Variants in GRID2 observed in about 807,000 individuals in gnomAD.
GRID2 encodes glutamate receptor ionotropic, delta-2.
In GRID2, 33 loss-of-function variants were observed where a neutral mutation model predicts 114.8. That is an observed-to-expected ratio of 0.29 (90% CI 0.22 to 0.38). GRID2 has a LOEUF of 0.38. Among genes scored for constraint, GRID2 ranks in the 10% least tolerant of loss-of-function variants. GRID2 has a pLI of 1.00. For missense variants in GRID2, 1,184 were observed against 1,257.7 expected, an observed-to-expected ratio of 0.94 and a Z score of 0.89; for synonymous variants, 505 against 449.9, an observed-to-expected ratio of 1.12 and a Z score of -1.55.
chr4:92,707,681 T>C (rs574996675), intron 2 of GRID2, among the ~76,000 whole-genome samples: 3 of 152,318 alleles, frequency 2.0e-5, no homozygotes, highest in Admixed American at 1.3e-4. Flanking sequence ...TGGCGTATGT[T>C]GTAGAGTGCC....
At chr4:93,724,731 T>C (rs1206692308) in intron 14 of GRID2, among the ~76,000 whole-genome samples, 2 of 152,024 alleles carry the variant, frequency 1.3e-5, no homozygotes, top group Non-Finnish European at 2.9e-5. Context: ...CTACTAGTTG[T>C]CCAGTAGGGG....
At chr4:93,294,861 G>A (rs1369080319) in intron 8 of GRID2, among the ~76,000 whole-genome samples, 2 of 152,124 alleles carry the variant, frequency 1.3e-5, no homozygotes, top group Non-Finnish European at 2.9e-5. Flanking sequence ...TGCCCAGTTC[G>A]TACTTTGGAA....
In GRID2 at chr4:92,934,896, A is replaced by G. The variant is rs1176020796; in HGVS notation, c.245-150099A>G. On this transcript the variant is annotated intron_variant, in intron 2 of 15. Transcript: ENST00000282020. Reference sequence around the variant, plus strand: ...TTATACCAAAATTAATTCAAGATGGATTAAAGACTTAAACGTTCGACCTAA... The same window carrying G: ...TTATACCAAAATTAATTCAAGATGGGTTAAAGACTTAAACGTTCGACCTAA... 2.0e-5 allele frequency among the ~76,000 whole-genome samples: 3 copies of G among 147,098 alleles called. 1 individual carries two copies. The highest frequency in any genetic ancestry group is 1.5e-4 in the Admixed American group (2 of 13,644).
At chr4:92,516,489 T>G (rs988978614) in intron 1 of GRID2, among the ~76,000 whole-genome samples, 1 of 151,824 alleles carries the variant, frequency 6.6e-6, no homozygotes, top group Non-Finnish European at 1.5e-5. Flanking sequence ...CAAATTACAA[T>G]CAGTTCACAA....
At chr4:93,501,265 G>C (rs1728076076) in intron 12 of GRID2, among the ~76,000 whole-genome samples, 1 of 152,010 alleles carries the variant, frequency 6.6e-6, no homozygotes, top group African/African-American at 2.4e-5. Flanking sequence ...TGCTCTCTAA[G>C]TATCCTTTGT....
chr4:92,332,418 T>C lies in GRID2; in HGVS notation c.88+27674T>C, dbSNP rs569237964. On this transcript the variant is annotated intron_variant, in intron 1 of 15. Coordinates refer to ENST00000282020, the MANE Select transcript of GRID2 (RefSeq NM_001510.4). The stretch of plus-strand genomic sequence containing the variant: ...TGTTAGACCCCAGCTCCCACCACTA[T>C]TGCACTGGGGAATAAGTTTCCAACA... 4.6e-5 allele frequency among the ~76,000 whole-genome samples: 7 copies of C among 152,264 alleles called. No individual in the cohort carries two copies. In the East Asian group the frequency reaches 1.2e-3, roughly 25 times the overall value.
intron 2 of GRID2, among the ~76,000 whole-genome samples, chr4:92,618,169 C>G (rs911043814): frequency 1.3e-5 from 2 of 151,436 alleles, no homozygotes; most frequent in African/African-American, 4.8e-5. Flanking sequence ...GATCTTTGAT[C>G]TATTTTATTT....
intron 7 of GRID2, among the ~76,000 whole-genome samples, chr4:93,230,357 A>G (rs1030022526): frequency 6.6e-6 from 1 of 152,156 alleles, no homozygotes; most frequent in Non-Finnish European, 1.5e-5. Flanking sequence ...AATCACTCCA[A>G]TTCTAATACT....
At chr4:92,960,143 C>T (rs1267880755) in intron 2 of GRID2, among the ~76,000 whole-genome samples, 3 of 151,834 alleles carry the variant, frequency 2.0e-5, no homozygotes, top group African/African-American at 7.3e-5. Context: ...TGTTTGATTC[C>T]TATTCTTTCA....
At chr4:93,501,713 G>A (rs764399563) in intron 12 of GRID2, among the ~76,000 whole-genome samples, 3 of 152,036 alleles carry the variant, frequency 2.0e-5, no homozygotes, top group Non-Finnish European at 2.9e-5. Context: ...CAGGAACAGG[G>A]CTATGTTAGC....
chr4:92,538,410 G>A (rs886745922), intron 1 of GRID2, among the ~76,000 whole-genome samples: 2 of 152,116 alleles, frequency 1.3e-5, no homozygotes, highest in Admixed American at 6.5e-5. Flanking sequence ...ACTCAACAAT[G>A]TGTATAAATG....
intron 4 of GRID2, among the ~76,000 whole-genome samples, chr4:93,143,392 T>G (rs1735931637): frequency 6.6e-6 from 1 of 152,200 alleles, no homozygotes; most frequent in Non-Finnish European, 1.5e-5. Context: ...GAATATGCTC[T>G]GTTGATGCCA....
At position 92,659,570 on chromosome 4, in the gene GRID2, G is replaced by A. The variant is rs957548769; in HGVS notation, c.244+69284G>A. Among the ~76,000 whole-genome samples the A allele has an allele frequency of 3.3e-5, 5 of 151,604 alleles. No individual in the cohort carries two copies. The Admixed American group carries it at 3.3e-4, about 10-fold the overall frequency. ...AAAAATCATAATACAGTATTCTTAT[G>A]CATTTACCATAATATTTTTGTTTTC... is the stretch of plus-strand genomic sequence containing the variant. On this transcript the variant is annotated intron_variant, in intron 2 of 15. Transcript: ENST00000282020.
At chr4:93,411,565 G>C (rs888085606) in intron 9 of GRID2, among the ~76,000 whole-genome samples, 1 of 151,838 alleles carries the variant, frequency 6.6e-6, no homozygotes, top group African/African-American at 2.4e-5. Context: ...CTCCAGAGTA[G>C]CTGGGACTAC....
chr4:93,750,918 G>C (rs1219547224), intron 14 of GRID2, among the ~76,000 whole-genome samples: 1 of 152,176 alleles, frequency 6.6e-6, no homozygotes, highest in Non-Finnish European at 1.5e-5. Context: ...GAATCAAACA[G>C]GTGAAAATAC....
intron 10 of GRID2, among the ~76,000 whole-genome samples, chr4:93,437,391 C>CAGAGTTTGAATGTA (rs11274886): frequency 1.3e-5 from 2 of 151,690 alleles, no homozygotes; most frequent in African/African-American, 2.4e-5. Context: ...CAGAGAAAAA[C>CAGAGTTTGAATGTA]AGTTTTGTCT....
At chr4:92,868,287 T>A (rs1745047452) in intron 2 of GRID2, among the ~76,000 whole-genome samples, 1 of 152,028 alleles carries the variant, frequency 6.6e-6, no homozygotes, top group Non-Finnish European at 1.5e-5. Context: ...ACACAGAATT[T>A]TCATGGGCAG....
rs535141567 is a variant in GRID2 at position 92,383,709 on chromosome 4, C to T, written c.88+78965C>T. ...TCTTTCTTTTCCTCTACCTCTCCCTCCTCCAATGATGCTGGATTTACTACC... is the reference window on the plus strand; with the variant it reads ...TCTTTCTTTTCCTCTACCTCTCCCTTCTCCAATGATGCTGGATTTACTACC... On this transcript the variant is annotated intron_variant, in intron 1 of 15. Coordinates refer to ENST00000282020, the MANE Select transcript of GRID2 (RefSeq NM_001510.4). Among the ~76,000 whole-genome samples the T allele has an allele frequency of 3.8e-3, 571 of 152,070 alleles. 3 individuals are homozygous for T. Among genetic ancestry groups the T allele is most frequent in the Non-Finnish European group, 6.7e-3 (454 of 67,940 alleles).
chr4:92,875,851 G>A (rs1745590391), intron 2 of GRID2, among the ~76,000 whole-genome samples: 1 of 152,034 alleles, frequency 6.6e-6, no homozygotes, highest in African/African-American at 2.4e-5. Context: ...TAATCATTAA[G>A]CATTTACTGA....
Sources: allele counts gnomAD v4.1 joint callset (sites outside exome capture counted in the v4.1 genomes callset), GRCh38; gene constraint gnomAD v4.1.1; transcripts MANE v1.5; gene names NCBI Gene and HGNC (gene_info 2026-07-23, HGNC 2026-07-21).